Variants in TCF25 observed in about 807,000 individuals in gnomAD.
The protein encoded by TCF25 is TCF25 ribosome quality control complex subunit, also known as ribosome quality control complex subunit TCF25.
Under a neutral mutation model 83.1 loss-of-function variants are expected in TCF25, and 41 were observed. The observed-to-expected ratio is 0.49, with a 90% CI of 0.38 to 0.64. The LOEUF (loss-of-function observed/expected upper bound fraction) is 0.64. Ranked by LOEUF, TCF25 falls within the 30% of genes least tolerant of loss-of-function variation. TCF25 has a pLI of 0.00. For synonymous variants in TCF25, 458 were observed against 365.0 expected (o/e 1.25, Z -2.90); for missense variants, 979 against 914.5 (o/e 1.07, Z -0.91).
intron 1 of TCF25, among the ~76,000 whole-genome samples, chr16:89,881,012 G>C (rs981189731): frequency 2.0e-4 from 31 of 152,348 alleles, no homozygotes; most frequent in African/African-American, 6.0e-4. Context: ...GAGTGTCAGT[G>C]TTTTCAAGTT....
At chr16:89,887,032 TC>T (rs1468097977) in intron 4 of TCF25, among the ~76,000 whole-genome samples, 1 of 152,074 alleles carries the variant, frequency 6.6e-6, no homozygotes, top group Non-Finnish European at 1.5e-5. Flanking sequence ...ATTAGAGAGT[TC>T]CTTCTTTTTC....
At chr16:89,906,104 CTGGGTG>C in intron 14 of TCF25, 84 bp from the exon 15 acceptor site, 1 of 1,122,048 alleles carries the variant, frequency 8.9e-7, no homozygotes, top group Non-Finnish European at 1.3e-6. Flanking sequence ...ATGCCTCGTG[CTGGGTG>C]GGGGTGGGGG....
In TCF25 at chr16:89,882,383, A is replaced by T. The variant is rs951990965; in HGVS notation, c.193-968A>T. ...GACCCCCATCTCTACAAAAAAATTT[A>T]AAAAATTAGCCAGGCATGGTAGCTC... On this transcript the variant is annotated intron_variant, in intron 1 of 17. Coordinates refer to ENST00000263346, the MANE Select transcript of TCF25 (RefSeq NM_014972.3). Among the ~76,000 whole-genome samples, 3 of 152,126 alleles carry T rather than the reference A, an allele frequency of 2.0e-5. No homozygotes were observed. The East Asian group carries it at 5.9e-4, about 30-fold the overall frequency.
chr16:89,898,404 A>ACCCGGGCG (rs1567723427), intron 9 of TCF25, among the ~76,000 whole-genome samples, 153 bp from the exon 10 acceptor site: 1 of 102,636 alleles, frequency 9.7e-6, no homozygotes, highest in African/African-American at 5.7e-5. Context: ...GCGGGTGTTG[A>ACCCGGGCG]CTGGGGCGCT....
At chr16:89,905,159 C>CG in intron 14 of TCF25, 63 bp downstream of exon 14, 5 of 1,478,890 alleles carry the variant, frequency 3.4e-6, no homozygotes, top group Non-Finnish European at 4.5e-6. Context: ...ATCCCAGACA[C>CG]GGGGGCCTCG....
intron 12 of TCF25, among the ~76,000 whole-genome samples, chr16:89,901,471 C>T (rs1389913488): frequency 2.2e-5 from 3 of 134,108 alleles, no homozygotes; most frequent in Non-Finnish European, 5.0e-5. Flanking sequence ...TCCGGCCGGG[C>T]GCGGTGGCTC....
chr16:89,875,632 C>T (rs2042130379), intron 1 of TCF25, among the ~76,000 whole-genome samples: 1 of 149,090 alleles, frequency 6.7e-6, no homozygotes, highest in African/African-American at 2.5e-5. Context: ...ACGCCATTCT[C>T]CTGCCTCAGC....
intron 1 of TCF25, among the ~76,000 whole-genome samples, chr16:89,877,986 A>G (rs1052254412): frequency 6.6e-6 from 1 of 152,194 alleles, no homozygotes; most frequent in Non-Finnish European, 1.5e-5. Context: ...TTAAAGTATA[A>G]AACATTCCAG....
intron 12 of TCF25, 180 bp downstream of exon 12, chr16:89,900,974 A>T (rs1427980943): frequency 2.1e-5 from 14 of 681,536 alleles, no homozygotes; most frequent in Non-Finnish European, 2.9e-5. Context: ...TCATCTCGGA[A>T]CCCGCTGCGT....
At chr16:89,894,480 A>G (rs184927333) in intron 7 of TCF25, among the ~76,000 whole-genome samples, 71 of 152,292 alleles carry the variant, frequency 4.7e-4, no homozygotes, top group African/African-American at 1.7e-3. Flanking sequence ...CCTGTGGGAA[A>G]AGCAGGCTGC....
At position 89,890,847 on chromosome 16, in the gene TCF25, A is replaced by T. The variant is rs8063524; in HGVS notation, c.615-1346A>T. ...TTGCCTTTATTATTTTTATAGTATTATTAAACTTTTTTGTTTATTTATTTC... is the reference window on the plus strand; with the variant it reads ...TTGCCTTTATTATTTTTATAGTATTTTTAAACTTTTTTGTTTATTTATTTC... On this transcript the variant is annotated intron_variant, in intron 5 of 17. Coordinates refer to ENST00000263346, the MANE Select transcript of TCF25 (RefSeq NM_014972.3). Among the ~76,000 whole-genome samples the T allele has an allele frequency of 8.7e-3, 1,326 of 152,210 alleles. 23 individuals carry two copies. Among genetic ancestry groups the T allele is most frequent in the Admixed American group, 0.015 (225 of 15,280 alleles).
At chr16:89,899,784 G>T (rs1209527519) in intron 11 of TCF25, among the ~76,000 whole-genome samples, 1 of 152,142 alleles carries the variant, frequency 6.6e-6, no homozygotes, top group Admixed American at 6.5e-5. Context: ...TGTTCCTATG[G>T]GGCAGCACTT....
At chr16:89,903,917 C>A (rs924589545) in intron 12 of TCF25, among the ~76,000 whole-genome samples, 1 of 152,138 alleles carries the variant, frequency 6.6e-6, no homozygotes, top group Non-Finnish European at 1.5e-5. Context: ...GTGAAGGAGA[C>A]CCCCAGCCTC....
intron 13 of TCF25, 45 bp downstream of exon 13, chr16:89,904,250 C>T (rs539293719): frequency 9.1e-6 from 14 of 1,545,732 alleles, no homozygotes; most frequent in Admixed American, 2.0e-5. Flanking sequence ...CCTGTGGGTT[C>T]GGAGCCTGGG....
chr16:89,906,274 C>T lies in TCF25; in HGVS notation c.1709C>T (p.Ala570Val), dbSNP rs772503825. The T allele has an allele frequency of 4.3e-6, 7 of 1,612,980 alleles. No homozygotes were observed. Among genetic ancestry groups the T allele is most frequent in the African/African-American group, 2.7e-5 (2 of 74,922 alleles). Residue 570 changes from alanine to valine, a missense_variant, in exon 15 of 18, where the codon GCC becomes GTC. Transcript: ENST00000263346. ...ILSEIKEAVA[A>V]LPPDVTTQSV... is the part of the protein sequence containing the mutation. ...TCTGAGATCAAGGAAGCCGTCGCTG[C>T]CCTGCCCCCGGTAAGGGAGAAAGGC...
chr16:89,892,377 G>T (rs2043497277), intron 6 of TCF25, 102 bp downstream of exon 6: 1 of 1,377,702 alleles, frequency 7.3e-7, no homozygotes, highest in Non-Finnish European at 9.9e-7. Context: ...GAGGCTGCTG[G>T]GGGTGGAGGG....
At chr16:89,893,357 A>T (rs2043577373) in intron 6 of TCF25, among the ~76,000 whole-genome samples, 1 of 152,194 alleles carries the variant, frequency 6.6e-6, no homozygotes, top group Admixed American at 6.5e-5. Flanking sequence ...CACCCCGGAC[A>T]TTCTCCTCAA....
intron 16 of TCF25, 103 bp from the exon 17 acceptor site, chr16:89,910,488 T>G: frequency 8.2e-7 from 1 of 1,216,092 alleles, no homozygotes; most frequent in Non-Finnish European, 1.2e-6. Flanking sequence ...GGCCCCTCCG[T>G]GTCCCTGCGA....
chr16:89,895,246 CT>C, intron 8 of TCF25, 109 bp downstream of exon 8: 1 of 1,011,320 alleles, frequency 9.9e-7, no homozygotes. Context: ...TCCATGACAG[CT>C]TTATTGAGAT....
Sources: gnomAD v4.1 joint callset for allele counts (sites outside exome capture counted in the v4.1 genomes callset) on GRCh38, gnomAD v4.1.1 for gene constraint, MANE v1.5 for transcripts, NCBI Gene and HGNC (gene_info 2026-07-23, HGNC 2026-07-21) for gene names.